The following EIF3H variants were observed in gnomAD, a reference collection of about 807,000 sequenced individuals.
EIF3H encodes the protein eIF-3-gamma.
In EIF3H, 26 loss-of-function variants were observed where a neutral mutation model predicts 44.2. The observed-to-expected ratio is 0.59, with a 90% confidence interval of 0.43 to 0.82. The LOEUF is 0.82. Among genes scored for constraint, EIF3H ranks in the 40% least tolerant of loss-of-function variants. The probability of loss-of-function intolerance (pLI) is 0.00; values close to 1 mark genes in which losing one functional copy is unlikely to be tolerated. For synonymous variants in EIF3H, 166 were observed against 151.9 expected, an observed-to-expected ratio of 1.09 and a Z score of -0.68; for missense variants, 359 against 432.8, an observed-to-expected ratio of 0.83 and a Z score of 1.51.
intron 2 of EIF3H, among the ~76,000 whole-genome samples, chr8:116,723,297 T>G (rs1814781914): frequency 6.6e-6 from 1 of 152,186 alleles, no homozygotes. Flanking sequence ...TAAATATAAT[T>G]AAGTACCCCC....
intron 2 of EIF3H, among the ~76,000 whole-genome samples, chr8:116,682,606 TACTC>T (rs2130846389): frequency 6.6e-6 from 1 of 152,332 alleles, no homozygotes; most frequent in African/African-American, 2.4e-5. Context: ...CTGGTTAAAT[TACTC>T]ACAATAGGTA....
rs1010581376 is a variant in EIF3H at position 116,643,319 on chromosome 8, G to C, written c.*1687C>G. The C allele has an allele frequency of 1.3e-5, 2 of 152,188 alleles. No homozygotes were observed. Among genetic ancestry groups the C allele is most frequent in the Non-Finnish European group, 2.9e-5 (2 of 68,024 alleles). The allele number at this position is 152,188 out of a possible 1,614,324, so 9.4% of individuals were successfully genotyped here. ...AGGCAATTTGGCAATACAGGTAAAA[G>C]GGCTGACATTTTACATACCCTTTGA... On this transcript the variant is annotated 3_prime_UTR_variant, in exon 8 of 8. Transcript: ENST00000521861.
intron 2 of EIF3H, among the ~76,000 whole-genome samples, chr8:116,724,939 AAAG>A (rs1814809891): frequency 6.6e-6 from 1 of 152,224 alleles, no homozygotes; most frequent in African/African-American, 2.4e-5. Context: ...TACATATCCA[AAAG>A]AAAATGGAAA....
intron 2 of EIF3H, among the ~76,000 whole-genome samples, chr8:116,705,916 C>T (rs374568214): frequency 6.6e-6 from 1 of 150,792 alleles, no homozygotes; most frequent in African/African-American, 2.4e-5. Context: ...ATCTTTGCAA[C>T]GTTTCAGTAA....
chr8:116,715,628 T>C (rs1469347223), intron 2 of EIF3H, among the ~76,000 whole-genome samples: 1 of 152,082 alleles, frequency 6.6e-6, no homozygotes, highest in Non-Finnish European at 1.5e-5. Context: ...TAAAGTAAGC[T>C]TCCTATATCA....
At position 116,755,732 on chromosome 8, in the gene EIF3H, T is replaced by G. The variant is rs1297770792; in HGVS notation, c.66A>C (p.Ala22=). 1.2e-6 allele frequency: 2 copies of G among 1,614,174 alleles called. No homozygotes were observed. Among genetic ancestry groups the G allele is most frequent in the South Asian group, 2.2e-5 (2 of 91,088 alleles). Residue 22 remains alanine, a synonymous_variant, in exon 1 of 8, where the codon GCA becomes GCC. Transcript: ENST00000521861. ...ATSSSSTAGA[A]GKGKGKGGSG... is the part of the protein sequence containing the mutation. ...AGCCGCCTTTGCCTTTGCCTTTCCC[T>G]GCTGCGCCGGCGGTGGAGCTGGAAG...
At chr8:116,679,284 G>A (rs1192474534) in intron 2 of EIF3H, among the ~76,000 whole-genome samples, 8 of 51,366 alleles carry the variant, frequency 1.6e-4, no homozygotes, top group South Asian at 1.0e-3. Context: ...CGCCCCGTCC[G>A]GGAGGGAGGT....
intron 5 of EIF3H, among the ~76,000 whole-genome samples, chr8:116,652,680 G>A (rs1813415798): frequency 6.6e-6 from 1 of 151,884 alleles, no homozygotes; most frequent in Non-Finnish European, 1.5e-5. Context: ...GTTTATGGAT[G>A]GATGTTCACT....
chr8:116,762,022 T>G (rs1033875802), intron 1 of EIF3H, among the ~76,000 whole-genome samples: 4 of 152,222 alleles, frequency 2.6e-5, no homozygotes, highest in Non-Finnish European at 5.9e-5. Flanking sequence ...AGACAGTTTC[T>G]ATAGTATGTA....
chr8:116,676,515 A>G (rs1270247276), intron 2 of EIF3H, among the ~76,000 whole-genome samples: 3 of 152,230 alleles, frequency 2.0e-5, no homozygotes, highest in Non-Finnish European at 4.4e-5. Context: ...TCTCATGAGA[A>G]CAGCATGGGG....
At chr8:116,700,524 C>T (rs1814357054) in intron 2 of EIF3H, among the ~76,000 whole-genome samples, 1 of 152,044 alleles carries the variant, frequency 6.6e-6, no homozygotes, top group Non-Finnish European at 1.5e-5. Context: ...GATGGAACGT[C>T]TCTGTCCTAA....
chr8:116,702,252 T>C (rs1814391005), intron 2 of EIF3H, among the ~76,000 whole-genome samples: 3 of 152,194 alleles, frequency 2.0e-5, no homozygotes, highest in Admixed American at 2.0e-4. Flanking sequence ...AACAAATGGT[T>C]CATTCAGCAT....
chr8:116,668,124 T>C (rs1813697899), intron 2 of EIF3H, among the ~76,000 whole-genome samples: 1 of 152,234 alleles, frequency 6.6e-6, no homozygotes, highest in South Asian at 2.1e-4. Flanking sequence ...GTTATAATAG[T>C]CAACTACCTT....
At chr8:116,687,404 T>C (rs912739651) in intron 2 of EIF3H, among the ~76,000 whole-genome samples, 1 of 152,174 alleles carries the variant, frequency 6.6e-6, no homozygotes, top group African/African-American at 2.4e-5. Flanking sequence ...TCTTACTTGC[T>C]GAAACTTTTG....
At chr8:116,766,320 G>A (rs867328096), upstream of EIF3H, 33 of 375,954 alleles carry the variant, frequency 8.8e-5, no homozygotes, top group Middle Eastern at 3.6e-3. Flanking sequence ...CCCAGACTGC[G>A]CATGTGCGCC....
At chr8:116,692,292 A>C (rs1173212730) in intron 2 of EIF3H, among the ~76,000 whole-genome samples, 2 of 152,200 alleles carry the variant, frequency 1.3e-5, no homozygotes, top group African/African-American at 4.8e-5. Context: ...AAGAACCATT[A>C]CCATTCACTT....
At chr8:116,729,509 T>A (rs549224965) in intron 1 of EIF3H, among the ~76,000 whole-genome samples, 5 of 152,346 alleles carry the variant, frequency 3.3e-5, no homozygotes, top group African/African-American at 1.2e-4. Context: ...AATGCAATTT[T>A]ATGTAGTATC....
At chr8:116,731,806 T>C (rs1159876036) in intron 1 of EIF3H, among the ~76,000 whole-genome samples, 4 of 152,166 alleles carry the variant, frequency 2.6e-5, no homozygotes, top group African/African-American at 9.7e-5. Flanking sequence ...CCCTATAAAT[T>C]AGTGGGTAAA....
rs531764848 is a variant in EIF3H, at chr8:116,711,914, T to A, written c.289+14102A>T. Among the ~76,000 whole-genome samples the A allele has an allele frequency of 3.9e-5, 6 of 152,252 alleles. No homozygotes were observed. In the South Asian group the frequency reaches 1.2e-3, roughly 32 times the overall value. On this transcript the variant is annotated intron_variant, in intron 2 of 7. Transcript: ENST00000521861. Reference sequence around the variant, plus strand: ...TAAATAACAAACATTTCAAAAAATATGTGTAGCAGAAATGTAGGTAAGCAA... The same window carrying A: ...TAAATAACAAACATTTCAAAAAATAAGTGTAGCAGAAATGTAGGTAAGCAA...
Sources: allele counts gnomAD v4.1 joint callset (sites outside exome capture counted in the v4.1 genomes callset), GRCh38; gene constraint gnomAD v4.1.1; transcripts MANE v1.5; gene names NCBI Gene and HGNC (gene_info 2026-07-23, HGNC 2026-07-21).